The following SYNE3 variants were observed in gnomAD, a reference collection of about 807,000 sequenced individuals.
SYNE3 encodes the protein nesprin-3.
A neutral mutation model predicts 111.2 loss-of-function variants in SYNE3; 100 were observed. The ratio of observed to expected loss-of-function variants is 0.90; its 90% CI spans 0.77 to 1.06. The LOEUF (loss-of-function observed/expected upper bound fraction) is 1.06, where lower values mean the gene tolerates loss of function less well. Among genes scored for constraint, SYNE3 ranks in the 50% least tolerant of loss-of-function variants. The pLI, the probability that SYNE3 is intolerant of heterozygous loss-of-function variation, is 0.00. For missense variants in SYNE3, 1,160 were observed against 1,240.3 expected (o/e 0.94, Z 0.97); for synonymous variants, 547 against 533.9 (o/e 1.02, Z -0.34).
At chr14:95,432,865 C>T (rs962206335) in intron 16 of SYNE3, among the ~76,000 whole-genome samples, 5 of 152,032 alleles carry the variant, frequency 3.3e-5, no homozygotes, top group Admixed American at 6.5e-5. Flanking sequence ...CACGCGGCCT[C>T]GGGCAAGGTT....
At chr14:95,455,874 C>G in intron 5 of SYNE3, 150 bp from the exon 6 acceptor site, 1 of 730,666 alleles carries the variant, frequency 1.4e-6, no homozygotes, top group South Asian at 1.8e-5. Context: ...AAGGGCTGGA[C>G]TGTCTGCCTT....
chr14:95,498,463 C>T (rs1363192080), intron 1 of SYNE3, among the ~76,000 whole-genome samples: 1 of 152,206 alleles, frequency 6.6e-6, no homozygotes, highest in Non-Finnish European at 1.5e-5. Context: ...AGGTGATCCG[C>T]CTGCCTCAGC....
rs1274748440 is a variant in SYNE3, at chr14:95,440,064, G to T, written c.1923C>A (p.Asp641Glu). 5.0e-6 allele frequency: 8 copies of T among 1,602,904 alleles called. No homozygotes were observed. The highest frequency in any genetic ancestry group is 6.8e-6 in the Non-Finnish European group (8 of 1,178,770). The change falls in exon 12 of 18, where the codon GAC becomes GAA. Residue 641 changes from aspartate to glutamate, a missense_variant. Physicochemically the swap from Asp to Glu is conservative, Grantham distance 45 (BLOSUM62 2). Coordinates refer to ENST00000682763, the MANE Select transcript of SYNE3 (RefSeq NM_152592.6). The stretch of plus-strand genomic sequence containing the variant: ...GCTCCTGCACACTCTGCCGACACCT[G>T]TCCACAAGGTCCTGCAGCACAGCCC... ...ALQRSLEDLV[D>E]RCRQSVQEHC...
At chr14:95,422,790 G>A (rs1296994520) in intron 17 of SYNE3, among the ~76,000 whole-genome samples, 1 of 152,190 alleles carries the variant, frequency 6.6e-6, no homozygotes, top group Admixed American at 6.5e-5. Context: ...GCCACGTGTT[G>A]GCCTCTGAAG....
intron 1 of SYNE3, among the ~76,000 whole-genome samples, chr14:95,502,415 CTG>C (rs1287293362): frequency 6.6e-6 from 1 of 152,114 alleles, no homozygotes; most frequent in Non-Finnish European, 1.5e-5. Context: ...CGCCTACAGC[CTG>C]TGTGTCCTGC....
chr14:95,501,364 C>T (rs369336102), intron 1 of SYNE3, among the ~76,000 whole-genome samples: 13 of 152,208 alleles, frequency 8.5e-5, no homozygotes, highest in East Asian at 3.8e-4. Flanking sequence ...CAGGACCGTG[C>T]CTGTCATACG....
intron 4 of SYNE3, among the ~76,000 whole-genome samples, chr14:95,459,201 C>T (rs1277237408): frequency 6.6e-6 from 1 of 152,188 alleles, no homozygotes; most frequent in Non-Finnish European, 1.5e-5. Flanking sequence ...TAATTATGAA[C>T]ACTGACAGGT....
intron 1 of SYNE3, among the ~76,000 whole-genome samples, chr14:95,493,652 C>T (rs1004884934): frequency 6.6e-5 from 10 of 152,252 alleles, no homozygotes; most frequent in African/African-American, 2.4e-4. Context: ...GGGCAAAATG[C>T]CTGCCTGGGA....
At chr14:95,427,195 C>T (rs56888771) in intron 17 of SYNE3, among the ~76,000 whole-genome samples, 1,807 of 152,262 alleles carry the variant, frequency 0.012, 42 homozygotes, top group African/African-American at 0.041. Context: ...AGAGGGCTCC[C>T]TGGTCTAGGG....
At chr14:95,432,738 G>T (rs1885858494) in intron 16 of SYNE3, among the ~76,000 whole-genome samples, 2 of 151,756 alleles carry the variant, frequency 1.3e-5, no homozygotes, top group Non-Finnish European at 2.9e-5. Context: ...CTAAGACACA[G>T]GGCAAGTTAG....
rs777452041 is a variant in SYNE3, at chr14:95,452,306, G to A, written c.1215C>T (p.Phe405=). Residue 405 remains phenylalanine (F), a synonymous_variant, in exon 7 of 18, where the codon TTC becomes TTT. Coordinates refer to ENST00000682763, the MANE Select transcript of SYNE3 (RefSeq NM_152592.6). ...LQAQLKELIV[F]PHNLKPLSDS... is the part of the protein sequence containing the mutation. ...CAGAGAGTGGCTTCAGGTTGTGAGG[G>A]AAGACGATGAGCTCCTTCAGCTGGG... 8 of 1,613,890 alleles carry A rather than the reference G, an allele frequency of 5.0e-6. No individual in the cohort carries two copies. The East Asian group carries it at 6.7e-5, about 13-fold the overall frequency.
intron 17 of SYNE3, among the ~76,000 whole-genome samples, chr14:95,421,068 G>A (rs1433402923): frequency 1.3e-5 from 2 of 152,150 alleles, no homozygotes; most frequent in African/African-American, 4.8e-5. Flanking sequence ...CTGCTGCCAT[G>A]TAAGATGTGC....
chr14:95,439,213 C>A, intron 13 of SYNE3, 51 bp from the exon 14 acceptor site: 1 of 1,608,208 alleles, frequency 6.2e-7, no homozygotes, highest in Non-Finnish European at 8.5e-7. Context: ...TGGGGACCCA[C>A]CAGGACATGG....
intron 1 of SYNE3, among the ~76,000 whole-genome samples, chr14:95,482,619 T>A (rs890933238): frequency 4.6e-5 from 7 of 152,070 alleles, no homozygotes; most frequent in Non-Finnish European, 7.4e-5. Flanking sequence ...GGAGTGACTG[T>A]CATGTGGCGG....
At chr14:95,445,543 A>T (rs1183785609) in intron 9 of SYNE3, among the ~76,000 whole-genome samples, 1 of 152,252 alleles carries the variant, frequency 6.6e-6, no homozygotes. Flanking sequence ...TGTGTCACTA[A>T]TATGAGCTTC....
chr14:95,439,546 T>A, intron 13 of SYNE3, 66 bp downstream of exon 13: 2 of 1,585,934 alleles, frequency 1.3e-6, no homozygotes, highest in African/African-American at 2.7e-5. Context: ...CACGAGCACC[T>A]GAGTGTCCCT....
rs58207356 is a variant in SYNE3 at position 95,470,448 on chromosome 14, C to T, written c.145-2481G>A. Among the ~76,000 whole-genome samples the T allele has an allele frequency of 1.9e-3, 285 of 150,310 alleles. 1 individual carries two copies. Among genetic ancestry groups the T allele is most frequent in the African/African-American group, 6.7e-3 (273 of 40,704 alleles). ...GAGTATGCAACCACTCTGGGCAAGA[C>T]AGTGAGGCCCCATCTCTCCAAAAGC... On this transcript the variant is annotated intron_variant, in intron 2 of 17. Coordinates refer to ENST00000682763, the MANE Select transcript of SYNE3 (RefSeq NM_152592.6). The surrounding 1 kb of genome is among the most constrained non-coding windows in gnomAD (Gnocchi z 4.2).
intron 9 of SYNE3, among the ~76,000 whole-genome samples, chr14:95,445,422 AGTT>A (rs1886654658): frequency 6.6e-6 from 1 of 152,230 alleles, no homozygotes; most frequent in South Asian, 2.1e-4. Context: ...CATAGATCAT[AGTT>A]ATTATTGTCA....
intron 1 of SYNE3, among the ~76,000 whole-genome samples, chr14:95,504,642 C>G (rs767390304): frequency 9.9e-5 from 15 of 152,150 alleles, no homozygotes; most frequent in Non-Finnish European, 1.8e-4. Flanking sequence ...TGGACTGGGT[C>G]CCACCTTCCC....
Sources: gnomAD v4.1 joint callset for allele counts (sites outside exome capture counted in the v4.1 genomes callset) on GRCh38, gnomAD v4.1.1 for gene constraint, Gnocchi (gnomAD v3.1) non-coding constraint, MANE v1.5 for transcripts, NCBI Gene and HGNC (gene_info 2026-07-23, HGNC 2026-07-21) for gene names.